Variants in DMD observed in about 807,000 individuals in gnomAD.
DMD encodes dystrophin.
In DMD, 63 loss-of-function variants were observed where a neutral mutation model predicts 330.1. The observed-to-expected ratio is 0.19, with a 90% CI of 0.16 to 0.24. The LOEUF (loss-of-function observed/expected upper bound fraction) is 0.24. DMD is among the 10% of genes least tolerant of loss of function. The probability of loss-of-function intolerance (pLI) is 1.00; values close to 1 mark genes in which losing one functional copy is unlikely to be tolerated. For synonymous variants in DMD, 1,223 were observed against 959.8 expected (o/e 1.27, Z -5.07); for missense variants, 3,344 against 2,684.1 (o/e 1.25, Z -5.43).
chrX:32,857,000 G>A lies in DMD; in HGVS notation c.94-7180C>T, dbSNP rs543807261. On this transcript the variant is annotated intron_variant, in intron 2 of 78. Transcript: ENST00000357033. Reference sequence around the variant, plus strand: ...TGAGGCAGGAGAACGGCGTGAACCCGGGAGGCGGAGCTTGCAATGAGCCCA... The same window carrying A: ...TGAGGCAGGAGAACGGCGTGAACCCAGGAGGCGGAGCTTGCAATGAGCCCA... Among the ~76,000 whole-genome samples the A allele has an allele frequency of 2.5e-3, 271 of 109,624 alleles. 2 individuals carry two copies. The highest frequency in any genetic ancestry group is 8.6e-3 in the African/African-American group (259 of 29,997).
At chrX:32,313,118 T>C (rs2097570465) in intron 41 of DMD, among the ~76,000 whole-genome samples, 1 of 107,645 alleles carries the variant, frequency 9.3e-6, no homozygotes, top group Admixed American at 1.0e-4. Flanking sequence ...TACCAAAACC[T>C]GGCAAAGACA....
intron 9 of DMD, among the ~76,000 whole-genome samples, chrX:32,655,654 T>C (rs1184057581): frequency 1.8e-5 from 2 of 111,927 alleles, no homozygotes; most frequent in Non-Finnish European, 3.8e-5. Flanking sequence ...GTCTATGAGG[T>C]CCGCTTGTTG....
intron 2 of DMD, among the ~76,000 whole-genome samples, chrX:32,950,237 G>C (rs1427614284): frequency 9.0e-6 from 1 of 111,149 alleles, no homozygotes; most frequent in Non-Finnish European, 1.9e-5. Context: ...GATCTATTGA[G>C]CACTTAAAAC....
At chrX:31,535,890 G>A (rs2073358934) in intron 55 of DMD, among the ~76,000 whole-genome samples, 1 of 111,936 alleles carries the variant, frequency 8.9e-6, no homozygotes, top group Admixed American at 9.5e-5. Context: ...TAGGTACTCT[G>A]AATGCAAAGC....
At chrX:32,851,827 T>C (rs1414486184) in intron 2 of DMD, among the ~76,000 whole-genome samples, 2 of 111,748 alleles carry the variant, frequency 1.8e-5, no homozygotes, top group African/African-American at 6.5e-5. Flanking sequence ...CAGGGCAGAA[T>C]TCATCAAGCG....
At chrX:32,536,013 T>A (rs942314105) in intron 17 of DMD, among the ~76,000 whole-genome samples, 5 of 111,175 alleles carry the variant, frequency 4.5e-5, no homozygotes, top group African/African-American at 1.6e-4. Flanking sequence ...ATGCCTCTAA[T>A]CCCAGTACTT....
chrX:32,835,745 A>G (rs2079559296), intron 4 of DMD, among the ~76,000 whole-genome samples: 1 of 111,811 alleles, frequency 8.9e-6, no homozygotes, highest in African/African-American at 3.3e-5. Context: ...AGAATATGCT[A>G]GAACTAGTGA....
intron 62 of DMD, among the ~76,000 whole-genome samples, chrX:31,295,197 G>A (rs1469430706): frequency 2.7e-5 from 3 of 109,550 alleles, no homozygotes; most frequent in East Asian, 2.9e-4. Context: ...GGGTTTCACC[G>A]TGTTAGCCAG....
At chrX:32,474,303 T>C (rs1250716530) in intron 21 of DMD, among the ~76,000 whole-genome samples, 1 of 111,701 alleles carries the variant, frequency 9.0e-6, no homozygotes, top group Non-Finnish European at 1.9e-5. Flanking sequence ...ATTGTGCTGG[T>C]GTGAACTGTG....
At chrX:32,271,831 C>T (rs754064722) in intron 43 of DMD, among the ~76,000 whole-genome samples, 145 of 111,152 alleles carry the variant, frequency 1.3e-3, no homozygotes, top group Non-Finnish European at 2.0e-3. Flanking sequence ...CTTAGTATAG[C>T]GAAATGAAAG....
At chrX:32,053,137 G>A (rs1229562260) in intron 44 of DMD, among the ~76,000 whole-genome samples, 3 of 111,446 alleles carry the variant, frequency 2.7e-5, no homozygotes, top group Non-Finnish European at 5.7e-5. Context: ...ACTAAAAGAA[G>A]GTGTAATAGT....
intron 12 of DMD, among the ~76,000 whole-genome samples, chrX:32,608,386 C>T (rs977443553): frequency 1.8e-5 from 2 of 110,102 alleles, no homozygotes; most frequent in African/African-American, 6.6e-5. Flanking sequence ...ACATAAACTT[C>T]CAATCATTTA....
intron 44 of DMD, among the ~76,000 whole-genome samples, chrX:32,056,390 TAAAAAAAA>T (rs34726053): frequency 8.4e-5 from 4 of 47,572 alleles, no homozygotes; most frequent in African/African-American, 3.1e-4. Flanking sequence ...GTAGATTAAG[TAAAAAAAA>T]AAAAAAAAAA....
chrX:31,819,379 A>G (rs769975235), intron 50 of DMD, among the ~76,000 whole-genome samples: 24 of 112,662 alleles, frequency 2.1e-4, no homozygotes, highest in African/African-American at 7.7e-4. Flanking sequence ...GAGAGGTGCT[A>G]GTAGGACTGT....
intron 44 of DMD, among the ~76,000 whole-genome samples, chrX:32,148,441 A>C (rs1460138991): frequency 9.0e-6 from 1 of 111,625 alleles, no homozygotes; most frequent in Non-Finnish European, 1.9e-5. Flanking sequence ...GTAGGGTCTT[A>C]AAATCCTTCA....
chrX:32,985,306 G>A (rs1342054274), intron 2 of DMD, among the ~76,000 whole-genome samples: 1 of 111,605 alleles, frequency 9.0e-6, no homozygotes, highest in Non-Finnish European at 1.9e-5. Flanking sequence ...CTATTATGAT[G>A]TTTTCCCCAA....
Position 32,164,802 on chromosome X carries a change from C to A in DMD, c.6438+52114G>T, listed in dbSNP as rs889635658. Among the ~76,000 whole-genome samples the A allele has an allele frequency of 4.6e-5, 5 of 109,327 alleles. No homozygotes were observed. The Admixed American group carries it at 4.9e-4, about 11-fold the overall frequency. 94.9% of individuals were successfully genotyped at this position (109,327 alleles called of 115,157 possible). On this transcript the variant is annotated intron_variant, in intron 44 of 78. Coordinates refer to ENST00000357033, the MANE Select transcript of DMD (RefSeq NM_004006.3). Reference sequence around the variant, plus strand: ...TGGTTTCGTGGACCAGGTCCCCCCCCCAACCCCACCACTGTGTGCGGCATC... The same window carrying A: ...TGGTTTCGTGGACCAGGTCCCCCCCACAACCCCACCACTGTGTGCGGCATC...
intron 44 of DMD, among the ~76,000 whole-genome samples, chrX:32,058,232 G>A (rs1380618674): frequency 9.1e-6 from 1 of 110,310 alleles, no homozygotes; most frequent in Non-Finnish European, 1.9e-5. Flanking sequence ...AACTAGATAA[G>A]CAGAAATATA....
chrX:32,202,805 T>C (rs2097047053), intron 44 of DMD, among the ~76,000 whole-genome samples: 1 of 112,473 alleles, frequency 8.9e-6, no homozygotes. Context: ...TCTCCAATCA[T>C]GACTTGAAGT....
Sources: allele counts gnomAD v4.1 joint callset (sites outside exome capture counted in the v4.1 genomes callset), GRCh38; gene constraint gnomAD v4.1.1; transcripts MANE v1.5; gene names NCBI Gene and HGNC (gene_info 2026-07-23, HGNC 2026-07-21).